ERICH2: variants seen among roughly 807,000 people sequenced by gnomAD.
The protein encoded by ERICH2 is glutamate-rich protein 2.
A neutral mutation model predicts 17.4 loss-of-function variants in ERICH2; 17 were observed. That is an observed-to-expected ratio of 0.98 (90% CI 0.67 to 1.47). The LOEUF (loss-of-function observed/expected upper bound fraction) is 1.47, where lower values mean the gene tolerates loss of function less well. Among genes scored for constraint, ERICH2 ranks in the 40% most tolerant of loss-of-function variants. The probability of loss-of-function intolerance (pLI) is 0.00; values close to 1 mark genes in which losing one functional copy is unlikely to be tolerated. For synonymous variants in ERICH2, 51 were observed against 61.1 expected (o/e 0.83, Z 0.77); for missense variants, 186 against 183.2 (o/e 1.01, Z -0.09).
At chr2:170,795,062 T>A (rs556607873) in intron 3 of ERICH2, among the ~76,000 whole-genome samples, 14 of 149,342 alleles carry the variant, frequency 9.4e-5, no homozygotes, top group Non-Finnish European at 1.5e-5. Flanking sequence ...GCCACTGCAG[T>A]CTCAATCTCC....
chr2:170,794,105 C>CTTTTTTTTTTTTTTTTTTTTTTTTTTTT (rs59152667), intron 3 of ERICH2, among the ~76,000 whole-genome samples: 1 of 88,168 alleles, frequency 1.1e-5, no homozygotes, highest in Admixed American at 1.6e-4. Context: ...TCCTTTCTTT[C>CTTTTTTTTTTTTTTTTTTTTTTTTTTTT]TTTTTTTTTT....
intron 1 of ERICH2, among the ~76,000 whole-genome samples, chr2:170,784,111 C>G (rs375101456): frequency 3.9e-5 from 6 of 152,066 alleles, no homozygotes; most frequent in African/African-American, 1.4e-4. Context: ...GGCTACCTTC[C>G]CATCAAAGAA....
intron 2 of ERICH2, among the ~76,000 whole-genome samples, chr2:170,792,400 A>G (rs760378754): frequency 1.2e-4 from 18 of 152,256 alleles, no homozygotes; most frequent in Non-Finnish European, 1.3e-4. Context: ...CAAGAAAAGT[A>G]TAATAAAAAT....
chr2:170,797,937 C>G (rs954553673), intron 3 of ERICH2, 104 bp from the exon 9 acceptor site: 2 of 729,398 alleles, frequency 2.7e-6, no homozygotes, highest in Non-Finnish European at 4.8e-6. Context: ...TGCATTGTGC[C>G]TTTCACCTGC....
intron 2 of ERICH2, among the ~76,000 whole-genome samples, chr2:170,791,318 G>C (rs372433300): frequency 3.9e-5 from 6 of 152,086 alleles, no homozygotes; most frequent in African/African-American, 1.4e-4. Flanking sequence ...TGGGCAGGGG[G>C]TTAAGATAAT....
chr2:170,791,584 A>G (rs866866088), intron 2 of ERICH2, among the ~76,000 whole-genome samples: 62 of 150,932 alleles, frequency 4.1e-4, no homozygotes, highest in African/African-American at 1.5e-3. Flanking sequence ...CAGCTACTAC[A>G]GAGGCTGAGG....
intron 2 of ERICH2, among the ~76,000 whole-genome samples, chr2:170,787,605 G>A (rs1701187632): frequency 6.6e-6 from 1 of 152,194 alleles, no homozygotes; most frequent in South Asian, 2.1e-4. Flanking sequence ...ACACTCACAT[G>A]CAGATCATTA....
At chr2:170,784,123 G>A (rs553007730) in intron 1 of ERICH2, among the ~76,000 whole-genome samples, 3 of 152,116 alleles carry the variant, frequency 2.0e-5, no homozygotes, top group Admixed American at 6.6e-5. Flanking sequence ...ATCAAAGAAG[G>A]CATCTCAGAG....
upstream of ERICH2, among the ~76,000 whole-genome samples, chr2:170,780,446 T>A (rs1341862145): frequency 6.6e-6 from 1 of 152,222 alleles, no homozygotes; most frequent in East Asian, 1.9e-4. Context: ...GGTATTTTTC[T>A]GGCATGTTCA....
At chr2:170,795,079 A>C (rs768228160) in intron 3 of ERICH2, among the ~76,000 whole-genome samples, 6 of 149,984 alleles carry the variant, frequency 4.0e-5, no homozygotes, top group Non-Finnish European at 8.9e-5. Context: ...CTCCCAGCTC[A>C]GGCAATCCTC....
At chr2:170,794,238 C>A (rs953441837) in intron 3 of ERICH2, among the ~76,000 whole-genome samples, 9 of 150,712 alleles carry the variant, frequency 6.0e-5, no homozygotes, top group Non-Finnish European at 7.4e-5. Context: ...TCATAAGCAG[C>A]TGGGATTACA....
intron 3 of ERICH2, among the ~76,000 whole-genome samples, chr2:170,795,505 GC>G (rs1204756254): frequency 6.6e-6 from 1 of 152,042 alleles, no homozygotes; most frequent in Non-Finnish European, 1.5e-5. Flanking sequence ...GTAAAACCAT[GC>G]CCAGGTAATT....
At chr2:170,779,596 C>A (rs1700980853), upstream of ERICH2, among the ~76,000 whole-genome samples, 2 of 152,040 alleles carry the variant, frequency 1.3e-5, no homozygotes, top group South Asian at 4.2e-4. Flanking sequence ...GATTTTGGAC[C>A]TTACTGGATT....
intron 2 of ERICH2, among the ~76,000 whole-genome samples, chr2:170,787,629 C>CA (rs546741461): frequency 6.6e-5 from 10 of 152,324 alleles, no homozygotes; most frequent in African/African-American, 2.4e-4. Flanking sequence ...GCCAAAGACT[C>CA]AAAGAAACAC....
At chr2:170,797,009 A>T (rs1016340421) in intron 3 of ERICH2, among the ~76,000 whole-genome samples, 4 of 152,220 alleles carry the variant, frequency 2.6e-5, no homozygotes, top group African/African-American at 9.6e-5. Flanking sequence ...AGCCTAAAAA[A>T]GTCTATTGTT....
intron 1 of ERICH2, 134 bp from the exon 7 acceptor site, chr2:170,784,512 G>T (rs1445363399): frequency 1.2e-5 from 6 of 498,602 alleles, no homozygotes; most frequent in Non-Finnish European, 2.1e-5. Context: ...GTAGTGTTTT[G>T]AATATAAGTT....
chr2:170,785,065 A>G (rs948057555), intron 2 of ERICH2, among the ~76,000 whole-genome samples: 4 of 152,122 alleles, frequency 2.6e-5, no homozygotes, highest in African/African-American at 9.7e-5. Flanking sequence ...TCAGTAGTAC[A>G]GTAGGGAAGT....
the ERICH2 span, chr2:170,770,832 C>T: frequency 7.0e-6 from 1 of 141,898 alleles, no homozygotes; most frequent in Non-Finnish European, 1.5e-5. Context: ...CTCGGCCGCC[C>T]GCCCCGCCCC....
At chr2:170,783,972 C>A in intron 1 of ERICH2, 3 of 1,466,658 alleles carry the variant, frequency 2.0e-6, no homozygotes, top group South Asian at 2.4e-5. Flanking sequence ...GTTTTAGAGT[C>A]ATTAGTTTTA....
Sources: allele counts gnomAD v4.1 joint callset (sites outside exome capture counted in the v4.1 genomes callset), GRCh38; gene constraint gnomAD v4.1.1; transcripts MANE v1.5; gene names NCBI Gene and HGNC (gene_info 2026-07-23, HGNC 2026-07-21).